The following RPL28 variants were observed in gnomAD, a reference collection of about 807,000 sequenced individuals.
RPL28 encodes the protein large ribosomal subunit protein eL28.
In RPL28, 4 loss-of-function variants were observed where a neutral mutation model predicts 12.5. That is an observed-to-expected ratio of 0.32 (90% CI 0.16 to 0.73). The LOEUF (loss-of-function observed/expected upper bound fraction) is 0.73, where lower values mean the gene tolerates loss of function less well. Ranked by LOEUF, RPL28 falls within the 30% of genes least tolerant of loss-of-function variation. The probability of loss-of-function intolerance (pLI) is 0.66; values close to 1 mark genes in which losing one functional copy is unlikely to be tolerated. For synonymous variants in RPL28, 91 were observed against 72.5 expected (o/e 1.26, Z -1.30); for missense variants, 214 against 197.7 (o/e 1.08, Z -0.49).
In RPL28 at chr19:55,387,199, C is replaced by T. The variant is rs76150721; in HGVS notation, c.205+506C>T. 5.3e-4 allele frequency: 738 copies of T among 1,400,658 alleles called. 3 individuals carry two copies. The African/African-American group carries it at 9.6e-3, about 18-fold the overall frequency. 86.8% of individuals were successfully genotyped at this position (1,400,658 alleles called of 1,614,324 possible). ...TCAGGTGCAGGCCTTTTTGGGGATT[C>T]CCTGAATGTTCGTGTGAGTCGGGGG... On this transcript the variant is annotated intron_variant, in intron 3 of 4. Coordinates refer to ENST00000344063, the MANE Select transcript of RPL28 (RefSeq NM_000991.5).
At position 55,386,414 on chromosome 19, in the gene RPL28, G is replaced by A. The variant is rs746168575; in HGVS notation, c.57G>A (p.Lys19=). The change falls in exon 2 of 5, where the codon AAG becomes AAA. Residue 19 remains lysine (K), a synonymous_variant. Transcript: ENST00000344063. Reference sequence around the variant, plus strand: ...GGAACTGCTCCAGTTTCCTGATCAAGAGGAATAAGCAGACCTACAGCACTG... The same window carrying A: ...GGAACTGCTCCAGTTTCCTGATCAAAAGGAATAAGCAGACCTACAGCACTG... ...VVRNCSSFLI[K]RNKQTYSTEP... 1.1e-5 allele frequency: 17 copies of A among 1,614,024 alleles called. No homozygotes were observed. The Admixed American group carries it at 2.0e-4, about 19-fold the overall frequency.
At chr19:55,387,301 G>T in intron 3 of RPL28, 1 of 1,551,664 alleles carries the variant, frequency 6.4e-7, no homozygotes, top group Non-Finnish European at 8.7e-7. Context: ...TTTTTCTCAG[G>T]TCCTTGATTG....
chr19:55,395,732 C>G (rs541896325), downstream of RPL28, among the ~76,000 whole-genome samples: 453 of 152,050 alleles, frequency 3.0e-3, 1 homozygote, highest in African/African-American at 0.01. Flanking sequence ...CATGAGCCAC[C>G]GCGCCCAGCC....
chr19:55,386,611 C>A lies in RPL28; in HGVS notation c.123C>A (p.Asn41Lys). 6.2e-7 allele frequency: 1 copy of A among 1,613,392 alleles called. No individual in the cohort carries two copies. Among genetic ancestry groups the A allele is most frequent in the East Asian group, 2.2e-5 (1 of 44,862 alleles). Residue 41 changes from asparagine to lysine, a missense_variant, in exon 3 of 5, where the codon AAC (asparagine) becomes AAA (lysine). Asn to Lys is a moderately conservative substitution (Grantham distance 94). Transcript: ENST00000344063. ...NLKARNSFRY[N>K]GLIHRKTVGV... is the part of the protein sequence containing the mutation. ...AGGCCCGCAATTCCTTCCGCTACAA[C>A]GGACTGATTCACCGCAAGACTGTGG...
Position 55,386,837 on chromosome 19 carries a change from C to G in RPL28, c.205+144C>G, listed in dbSNP as rs781272496. On this transcript the variant is annotated intron_variant, in intron 3 of 4. Coordinates refer to ENST00000344063, the MANE Select transcript of RPL28 (RefSeq NM_000991.5). ...AGGGTGTTGGTCTGGGTACCGGCTTCCCTCTCGGCCGACTTGTCAGCTCTG... is the reference window on the plus strand; with the variant it reads ...AGGGTGTTGGTCTGGGTACCGGCTTGCCTCTCGGCCGACTTGTCAGCTCTG... 5.1e-6 allele frequency: 8 copies of G among 1,570,172 alleles called. No homozygotes were observed. In the African/African-American group the frequency reaches 1.1e-4, roughly 21 times the overall value.
chr19:55,386,802 C>G (rs759733733), intron 3 of RPL28, 109 bp downstream of exon 3: 2 of 1,606,342 alleles, frequency 1.2e-6, no homozygotes, highest in Non-Finnish European at 1.7e-6. Context: ...CGGCGGGCAT[C>G]CCTGGCGCCA....
intron 4 of RPL28, among the ~76,000 whole-genome samples, chr19:55,398,417 C>G (rs1185983603): frequency 6.6e-6 from 1 of 152,238 alleles, no homozygotes; most frequent in East Asian, 1.9e-4. Flanking sequence ...TACCATCTCA[C>G]TGTTCCAACT....
At chr19:55,386,509 C>CGG in intron 2 of RPL28, 61 bp from the exon 3 acceptor site, 1 of 1,598,468 alleles carries the variant, frequency 6.3e-7, no homozygotes, top group South Asian at 1.1e-5. Context: ...GGTCAGAGGG[C>CGG]GGGACCTTCG....
chr19:55,393,956 CT>C (rs1197454027), downstream of RPL28, among the ~76,000 whole-genome samples: 3 of 148,552 alleles, frequency 2.0e-5, no homozygotes, highest in Non-Finnish European at 4.5e-5. Context: ...AGCTACAAGT[CT>C]TTTTTTTAAA....
In RPL28 at chr19:55,390,059, C is replaced by T; in HGVS notation, c.*1727C>T. ...AGTTGTCCTCCACAGCACTGATTTGCAGCCCACAAGCTGGCAGGTTTATCT... is the reference window on the plus strand; with the variant it reads ...AGTTGTCCTCCACAGCACTGATTTGTAGCCCACAAGCTGGCAGGTTTATCT... On this transcript the variant is annotated 3_prime_UTR_variant, in exon 5 of 5. Transcript: ENST00000344063. 1 of 985,548 alleles carries T rather than the reference C, an allele frequency of 1.0e-6. No individual in the cohort carries two copies. The highest frequency in any genetic ancestry group is 1.2e-6 in the Non-Finnish European group (1 of 829,992). 61.1% of individuals were successfully genotyped at this position (985,548 alleles called of 1,614,324 possible).
downstream of RPL28, among the ~76,000 whole-genome samples, chr19:55,395,372 A>G (rs1418259622): frequency 1.3e-5 from 2 of 151,470 alleles, no homozygotes; most frequent in African/African-American, 4.9e-5. Flanking sequence ...ACCTCAAGAG[A>G]TCCACCCATC....
intron 1 of RPL28, 55 bp from the exon 2 acceptor site, chr19:55,386,293 CTA>C: frequency 6.5e-7 from 1 of 1,544,150 alleles, no homozygotes; most frequent in South Asian, 1.1e-5. Flanking sequence ...GGCCCGTGGC[CTA>C]ACGCTGCTTT....
intron 4 of RPL28, among the ~76,000 whole-genome samples, chr19:55,399,045 T>C (rs1036477813): frequency 6.6e-6 from 1 of 152,124 alleles, no homozygotes; most frequent in Non-Finnish European, 1.5e-5. Flanking sequence ...TGGAGTGCAG[T>C]GGTACGATCA....
Position 55,388,818 on chromosome 19 carries a change from C to T in RPL28, c.*486C>T. Reference sequence around the variant, plus strand: ...GACTTTTGCATCCAGGGAGTGGGTGCAGCCACATTTGGAGGGGATGGGCTT... The same window carrying T: ...GACTTTTGCATCCAGGGAGTGGGTGTAGCCACATTTGGAGGGGATGGGCTT... On this transcript the variant is annotated 3_prime_UTR_variant, in exon 5 of 5. Coordinates refer to ENST00000344063, the MANE Select transcript of RPL28 (RefSeq NM_000991.5). 1.0e-6 allele frequency: 1 copy of T among 988,986 alleles called. No homozygotes were observed. The highest frequency in any genetic ancestry group is 4.7e-5 in the South Asian group (1 of 21,350). The allele number at this position is 988,986 out of a possible 1,614,324, so 61.3% of individuals were successfully genotyped here. A position where few individuals can be genotyped will look rare whatever the true frequency, so the allele number is the denominator to read the frequency against.
At chr19:55,392,194 T>G (rs549326298), downstream of RPL28, 443 of 851,882 alleles carry the variant, frequency 5.2e-4, no homozygotes, top group Non-Finnish European at 6.1e-4. Context: ...CACCTGTGCT[T>G]CTCCTTTTTG....
At position 55,388,179 on chromosome 19, in the gene RPL28, A is replaced by G. The variant is rs370925024; in HGVS notation, c.325-64A>G. On this transcript the variant is annotated intron_variant, in intron 4 of 4. Transcript: ENST00000344063. Reference sequence around the variant, plus strand: ...TTTCAGCCTACTCCCCACACCCAGCATTGGCCTAGGGGGCGGCTTGTGGAG... The same window carrying G: ...TTTCAGCCTACTCCCCACACCCAGCGTTGGCCTAGGGGGCGGCTTGTGGAG... 15 of 1,530,782 alleles carry G rather than the reference A, an allele frequency of 9.8e-6. No homozygotes were observed. In the African/African-American group the frequency reaches 1.9e-4, roughly 20 times the overall value. 94.8% of individuals were successfully genotyped at this position (1,530,782 alleles called of 1,614,324 possible).
chr19:55,386,580 A>G lies in RPL28; in HGVS notation c.92A>G (p.Asn31Ser). Reference sequence around the variant, plus strand: ...CCGCCTCCTTCCCAGGAGCCCAATAACTTGAAGGCCCGCAATTCCTTCCGC... The same window carrying G: ...CCGCCTCCTTCCCAGGAGCCCAATAGCTTGAAGGCCCGCAATTCCTTCCGC... ...NKQTYSTEPN[N>S]LKARNSFRYN... Residue 31 changes from asparagine (N) to serine (S), a missense_variant, in exon 3 of 5, where the codon AAC (asparagine) becomes AGC (serine). Transcript: ENST00000344063. 1 of 1,606,686 alleles carries G rather than the reference A, an allele frequency of 6.2e-7. No homozygotes were observed. Among genetic ancestry groups the G allele is most frequent in the Non-Finnish European group, 8.5e-7 (1 of 1,174,066 alleles).
At position 55,386,454 on chromosome 19, in the gene RPL28, A is replaced by G; in HGVS notation, c.81+16A>G. 1.2e-6 allele frequency: 2 copies of G among 1,613,228 alleles called. No individual in the cohort carries two copies. The highest frequency in any genetic ancestry group is 2.2e-5 in the East Asian group (1 of 44,856). On this transcript the variant is annotated intron_variant, in intron 2 of 4. Coordinates refer to ENST00000344063, the MANE Select transcript of RPL28 (RefSeq NM_000991.5). ...CTACAGCACTGTAAGTGGGGCCCGG[A>G]TGCGTGGCTCCTGCGGGAGGAGGGT...
chr19:55,391,594 T>C lies in RPL28; in HGVS notation c.*3262T>C. 2 of 1,549,052 alleles carry C rather than the reference T, an allele frequency of 1.3e-6. No homozygotes were observed. Among genetic ancestry groups the C allele is most frequent in the Non-Finnish European group, 1.7e-6 (2 of 1,144,710 alleles). ...ACTGGGTCAGGGCTCTGCTGCTCGG[T>C]GGCTGTGCAACCTTGGGCAAGTTCC... On this transcript the variant is annotated 3_prime_UTR_variant, in exon 5 of 5. Transcript: ENST00000344063.
Sources: allele counts gnomAD v4.1 joint callset (sites outside exome capture counted in the v4.1 genomes callset), GRCh38; gene constraint gnomAD v4.1.1; transcripts MANE v1.5; gene names NCBI Gene and HGNC (gene_info 2026-07-23, HGNC 2026-07-21).